BMAL2: variants seen among roughly 807,000 people sequenced by gnomAD.
The protein encoded by BMAL2 is basic helix-loop-helix ARNT-like protein 2.
At chr12:27,374,294 G>A in the BMAL2 span, among the ~76,000 whole-genome samples, 8 of 151,636 alleles carry the variant, frequency 5.3e-5, no homozygotes, top group African/African-American at 1.9e-4. Context: ...AGTCTGTATT[G>A]GACATATCCA....
the BMAL2 span, among the ~76,000 whole-genome samples, chr12:27,419,971 G>T: frequency 6.7e-6 from 1 of 149,488 alleles, no homozygotes; most frequent in African/African-American, 2.5e-5. Flanking sequence ...AAACAGATAG[G>T]GTTTTTTCAT....
the BMAL2 span, chr12:27,401,651 T>A: frequency 6.2e-7 from 1 of 1,601,426 alleles, no homozygotes; most frequent in South Asian, 1.1e-5. Context: ...TGGAATATAT[T>A]GTATCTGTCA....
At chr12:27,334,875 C>A in the BMAL2 span, among the ~76,000 whole-genome samples, 3 of 152,204 alleles carry the variant, frequency 2.0e-5, no homozygotes, top group African/African-American at 7.2e-5. Context: ...TAGGTAGTAT[C>A]TCCATTTCAC....
the BMAL2 span, among the ~76,000 whole-genome samples, chr12:27,344,579 C>G: frequency 6.6e-6 from 1 of 152,178 alleles, no homozygotes; most frequent in African/African-American, 2.4e-5. Context: ...TTTCTTTTTC[C>G]TCAAGGAAGA....
chr12:27,385,602 A>C, the BMAL2 span: 1 of 1,366,306 alleles, frequency 7.3e-7, no homozygotes, highest in Non-Finnish European at 1.0e-6. Context: ...ATGTGCTTTC[A>C]TTGCTGTTTG....
the BMAL2 span, among the ~76,000 whole-genome samples, chr12:27,378,267 A>G: frequency 4.0e-3 from 612 of 152,322 alleles, 7 homozygotes; most frequent in African/African-American, 0.014. Flanking sequence ...GATGCTTTAA[A>G]TAATAGTGCG....
At chr12:27,415,823 C>A in the BMAL2 span, 1 of 1,380,390 alleles carries the variant, frequency 7.2e-7, no homozygotes, top group Non-Finnish European at 1.0e-6. Flanking sequence ...AAATTTCCTT[C>A]TAAAATATGT....
chr12:27,393,549 C>T, the BMAL2 span, among the ~76,000 whole-genome samples: 2 of 152,186 alleles, frequency 1.3e-5, no homozygotes, highest in African/African-American at 4.8e-5. Flanking sequence ...CAGCAGTGCT[C>T]AAGCCTAGGA....
At chr12:27,409,729 C>A in the BMAL2 span, among the ~76,000 whole-genome samples, 1 of 151,846 alleles carries the variant, frequency 6.6e-6, no homozygotes, top group East Asian at 1.9e-4. Context: ...GCAACAAAAG[C>A]CAAAATTGAC....
chr12:27,410,391 T>C, the BMAL2 span, among the ~76,000 whole-genome samples: 3 of 152,198 alleles, frequency 2.0e-5, no homozygotes, highest in East Asian at 3.8e-4. Flanking sequence ...GTGGCACATA[T>C]ACACCATGGA....
the BMAL2 span, among the ~76,000 whole-genome samples, chr12:27,352,017 A>T: frequency 3.9e-5 from 6 of 152,144 alleles, no homozygotes; most frequent in Non-Finnish European, 7.4e-5. Flanking sequence ...CCATCATATC[A>T]CTGCACCCTA....
the BMAL2 span, among the ~76,000 whole-genome samples, chr12:27,334,984 TC>T: frequency 2.0e-5 from 3 of 152,264 alleles, no homozygotes; most frequent in Admixed American, 1.3e-4. Flanking sequence ...TTCTTTTCTT[TC>T]CCATCTGACT....
chr12:27,336,947 CAAAAAA>C, the BMAL2 span, among the ~76,000 whole-genome samples: 49 of 73,800 alleles, frequency 6.6e-4, no homozygotes, highest in East Asian at 2.7e-3. Flanking sequence ...GAGACTGTCT[CAAAAAA>C]AAAAAAAAAA....
the BMAL2 span, among the ~76,000 whole-genome samples, chr12:27,397,661 AT>A: frequency 6.6e-6 from 1 of 152,258 alleles, no homozygotes; most frequent in Non-Finnish European, 1.5e-5. Flanking sequence ...AAAATTATTT[AT>A]ATCCTGAATC....
At chr12:27,401,171 A>G in the BMAL2 span, 3 of 1,069,056 alleles carry the variant, frequency 2.8e-6, no homozygotes, top group African/African-American at 4.7e-5. Flanking sequence ...GCACTTCTTT[A>G]CGATCCTGAC....
the BMAL2 span, among the ~76,000 whole-genome samples, chr12:27,376,949 C>T: frequency 5.4e-3 from 730 of 135,436 alleles, 12 homozygotes; most frequent in East Asian, 0.04. Context: ...TGCAGTGAGC[C>T]GAAATCGCGC....
the BMAL2 span, among the ~76,000 whole-genome samples, chr12:27,355,156 C>T: frequency 6.6e-6 from 1 of 152,146 alleles, no homozygotes; most frequent in South Asian, 2.1e-4. Flanking sequence ...CTGTTTATTG[C>T]ACTCTCATCT....
At chr12:27,338,703 A>G in the BMAL2 span, among the ~76,000 whole-genome samples, 4 of 152,246 alleles carry the variant, frequency 2.6e-5, no homozygotes, top group Non-Finnish European at 5.9e-5. Flanking sequence ...TGTCTTACAC[A>G]TAGGTGAGTT....
chr12:27,366,420 T>G, the BMAL2 span, among the ~76,000 whole-genome samples: 1 of 152,218 alleles, frequency 6.6e-6, no homozygotes, highest in Admixed American at 6.5e-5. Flanking sequence ...CTTCCACTAT[T>G]ATTGTAGACT....
Sources: gnomAD v4.1 joint callset for allele counts (sites outside exome capture counted in the v4.1 genomes callset) on GRCh38, gnomAD v4.1.1 for gene constraint, MANE v1.5 for transcripts, NCBI Gene and HGNC (gene_info 2026-07-23, HGNC 2026-07-21) for gene names.